LRRC7: variants seen among roughly 807,000 people sequenced by gnomAD.
LRRC7 encodes leucine-rich repeat-containing protein 7.
Under a neutral mutation model 175.7 loss-of-function variants are expected in LRRC7, and 23 were observed. The ratio of observed to expected loss-of-function variants is 0.13; its 90% CI spans 0.09 to 0.19. LRRC7 has a LOEUF of 0.19. LRRC7 is among the 10% of genes least tolerant of loss of function. The pLI, the probability that LRRC7 is intolerant of heterozygous loss-of-function variation, is 1.00. For synonymous variants in LRRC7, 685 were observed against 680.9 expected, an observed-to-expected ratio of 1.01 and a Z score of -0.09; for missense variants, 1,354 against 1,904.7, an observed-to-expected ratio of 0.71 and a Z score of 5.38.
At position 70,082,714 on chromosome 1, in the gene LRRC7, A is replaced by AT. The variant is rs1344243627; in HGVS notation, c.4452+6422dup. The stretch of plus-strand genomic sequence containing the variant: ...TCCTAGATACATACAGAATCAGCTA[A>AT]TTTTTTCTGAAAGACCTAGAAAGTG... On this transcript the variant is annotated intron_variant, in intron 24 of 26. Coordinates refer to ENST00000651989, the MANE Select transcript of LRRC7 (RefSeq NM_001370785.2). 2.1e-5 allele frequency among the ~76,000 whole-genome samples: 3 copies of AT among 143,426 alleles called. No individual in the cohort carries two copies. In the East Asian group the frequency reaches 6.7e-4, roughly 32 times the overall value. 94.1% of individuals were successfully genotyped at this position (143,426 alleles called of 152,430 possible).
chr1:70,096,191 G>A (rs925219727), intron 25 of LRRC7, among the ~76,000 whole-genome samples: 3 of 152,182 alleles, frequency 2.0e-5, no homozygotes, highest in African/African-American at 7.2e-5. Context: ...TGGGCAGGCT[G>A]GTCTCGAACT....
chr1:70,001,600 G>A (rs979469024), intron 11 of LRRC7, among the ~76,000 whole-genome samples: 5 of 152,146 alleles, frequency 3.3e-5, no homozygotes, highest in African/African-American at 7.2e-5. Context: ...CGCAGTGACC[G>A]AAAATATTCT....
At chr1:69,780,523 G>A (rs1311671581) in intron 3 of LRRC7, among the ~76,000 whole-genome samples, 1 of 151,990 alleles carries the variant, frequency 6.6e-6, no homozygotes, top group East Asian at 1.9e-4. Flanking sequence ...GATAAAGGGA[G>A]GGAGAAAAGA....
chr1:69,844,733 C>T (rs1483859487), intron 7 of LRRC7, among the ~76,000 whole-genome samples: 1 of 151,956 alleles, frequency 6.6e-6, no homozygotes, highest in African/African-American at 2.4e-5. Flanking sequence ...TATGGTAGTT[C>T]TATTTTAAAT....
chr1:69,607,940 T>A (rs928019994), intron 1 of LRRC7: 12 of 152,268 alleles, frequency 7.9e-5, no homozygotes, highest in African/African-American at 2.9e-4. Context: ...GGAGTTGTCA[T>A]TACTGTTGGA....
intron 7 of LRRC7, among the ~76,000 whole-genome samples, chr1:69,860,784 A>C (rs1007995786): frequency 6.6e-6 from 1 of 152,074 alleles, no homozygotes; most frequent in Non-Finnish European, 1.5e-5. Flanking sequence ...GAAGGACATA[A>C]AAGAAGATTT....
chr1:69,883,560 A>G (rs1431200820), intron 7 of LRRC7, among the ~76,000 whole-genome samples: 1 of 98,496 alleles, frequency 1.0e-5, no homozygotes, highest in African/African-American at 3.9e-5. Context: ...CCCATTTTGT[A>G]GGTTGCCTGT....
At chr1:69,730,922 A>G (rs1347533621) in intron 2 of LRRC7, among the ~76,000 whole-genome samples, 2 of 152,150 alleles carry the variant, frequency 1.3e-5, no homozygotes, top group Non-Finnish European at 2.9e-5. Context: ...ACTTACAATC[A>G]TAACAGAAGG....
At chr1:69,773,543 G>A (rs1410400006) in intron 3 of LRRC7, among the ~76,000 whole-genome samples, 1 of 152,178 alleles carries the variant, frequency 6.6e-6, no homozygotes, top group Non-Finnish European at 1.5e-5. Context: ...GGCCTTAAAT[G>A]TATAAATTAA....
intron 2 of LRRC7, among the ~76,000 whole-genome samples, chr1:69,742,453 A>G (rs1293415568): frequency 7.7e-6 from 1 of 129,290 alleles, no homozygotes; most frequent in Non-Finnish European, 1.8e-5. Context: ...ATATAATCAT[A>G]TATTTTATAT....
intron 23 of LRRC7, among the ~76,000 whole-genome samples, chr1:70,054,578 CTTTTTTT>C (rs35639787): frequency 1.9e-5 from 1 of 53,798 alleles, no homozygotes; most frequent in African/African-American, 6.6e-5. Flanking sequence ...TTACACTCTA[CTTTTTTT>C]TTTTTTTTTT....
At chr1:70,083,505 A>G (rs187678566) in intron 24 of LRRC7, among the ~76,000 whole-genome samples, 93 of 152,256 alleles carry the variant, frequency 6.1e-4, no homozygotes, top group Non-Finnish European at 1.1e-3. Flanking sequence ...GTCAAGTCCT[A>G]TCGTCAAATC....
At chr1:69,855,919 G>A (rs1233328973) in intron 7 of LRRC7, among the ~76,000 whole-genome samples, 1 of 152,122 alleles carries the variant, frequency 6.6e-6, no homozygotes, top group Non-Finnish European at 1.5e-5. Flanking sequence ...TTGGTTTAAA[G>A]TCTGTTTTAT....
intron 24 of LRRC7, among the ~76,000 whole-genome samples, chr1:70,088,488 A>G (rs1251308668): frequency 6.6e-6 from 1 of 152,222 alleles, no homozygotes; most frequent in Non-Finnish European, 1.5e-5. Context: ...CTTTGAGCCC[A>G]GGAGTTCAAG....
At chr1:69,604,987 A>C (rs1647296799) in intron 1 of LRRC7, among the ~76,000 whole-genome samples, 1 of 152,154 alleles carries the variant, frequency 6.6e-6, no homozygotes, top group South Asian at 2.1e-4. Context: ...TGAACATCAG[A>C]GTGATTGACT....
At chr1:69,901,045 A>C (rs1235125749) in intron 7 of LRRC7, among the ~76,000 whole-genome samples, 1 of 152,178 alleles carries the variant, frequency 6.6e-6, no homozygotes, top group African/African-American at 2.4e-5. Context: ...AGGAATTTAG[A>C]CTTTTTCTTT....
At chr1:69,612,354 T>C (rs1648904453) in intron 1 of LRRC7, among the ~76,000 whole-genome samples, 1 of 152,096 alleles carries the variant, frequency 6.6e-6, no homozygotes, top group Admixed American at 6.6e-5. Context: ...TCTATTTCAT[T>C]TCGCTAGACT....
intron 3 of LRRC7, among the ~76,000 whole-genome samples, chr1:69,778,356 A>T (rs909051517): frequency 6.6e-6 from 1 of 152,204 alleles, no homozygotes; most frequent in Non-Finnish European, 1.5e-5. Context: ...CCCTACCAGA[A>T]TACTAAACTA....
intron 1 of LRRC7, among the ~76,000 whole-genome samples, chr1:69,636,099 G>A (rs1471153852): frequency 6.6e-6 from 1 of 151,834 alleles, no homozygotes; most frequent in Non-Finnish European, 1.5e-5. Flanking sequence ...CCTACTTCCT[G>A]GTTTCAAAGA....
Sources: allele counts gnomAD v4.1 joint callset (sites outside exome capture counted in the v4.1 genomes callset), GRCh38; gene constraint gnomAD v4.1.1; transcripts MANE v1.5; gene names NCBI Gene and HGNC (gene_info 2026-07-23, HGNC 2026-07-21).